Variants in GPALPP1 observed in about 807,000 individuals in gnomAD.
The protein encoded by GPALPP1 is GPALPP motifs containing 1, also known as GPALPP motifs-containing protein 1.
In GPALPP1, 30 loss-of-function variants were observed where a neutral mutation model predicts 38.9. The observed-to-expected ratio is 0.77, with a 90% CI of 0.58 to 1.05. GPALPP1 has a LOEUF of 1.05. Ranked by LOEUF, GPALPP1 falls within the 50% of genes least tolerant of loss-of-function variation. The probability of loss-of-function intolerance (pLI) is 0.00; values close to 1 mark genes in which losing one functional copy is unlikely to be tolerated. For missense variants in GPALPP1, 384 were observed against 408.8 expected (o/e 0.94, Z 0.52); for synonymous variants, 120 against 139.2 (o/e 0.86, Z 0.97).
intron 6 of GPALPP1, 102 bp from the exon 7 acceptor site, chr13:45,020,228 A>C: frequency 1.8e-6 from 1 of 557,616 alleles, no homozygotes. Flanking sequence ...AACCTGGCTT[A>C]GTTGTGTCTC....
At chr13:44,999,466 AT>A (rs1168227250) in intron 1 of GPALPP1, among the ~76,000 whole-genome samples, 36 of 152,334 alleles carry the variant, frequency 2.4e-4, no homozygotes, top group Non-Finnish European at 4.6e-4. Context: ...TCCCAAAATA[AT>A]TTTTTGAGAT....
rs374000368 is a variant in GPALPP1, at chr13:45,020,344, A to G, written c.720A>G (p.Ala240=). The change falls in exon 7 of 8, where the codon GCA becomes GCG. Residue 240 remains alanine, a synonymous_variant. Coordinates refer to ENST00000379151, the MANE Select transcript of GPALPP1 (RefSeq NM_018559.5). ...TCATTCCTCAGGAAACACAAGAAGC[A>G]AGGAAGTCATCCAGTAAGAAAGATG... is the stretch of plus-strand genomic sequence containing the variant. ...RERKAKETQE[A]RKSSSKKDEE... 2.5e-4 allele frequency: 360 copies of G among 1,460,722 alleles called. 5 individuals carry two copies. In the South Asian group the frequency reaches 4.0e-3, roughly 16 times the overall value. The allele number at this position is 1,460,722 out of a possible 1,614,324, so 90.5% of individuals were successfully genotyped here.
chr13:45,016,149 A>C (rs74411887), intron 6 of GPALPP1, among the ~76,000 whole-genome samples: 1 of 152,174 alleles, frequency 6.6e-6, no homozygotes, highest in Non-Finnish European at 1.5e-5. Context: ...TCATTAATAC[A>C]GTAAGTTATC....
intron 2 of GPALPP1, chr13:45,005,080 G>A (rs1033149876): frequency 1.1e-4 from 13 of 117,454 alleles, no homozygotes; most frequent in African/African-American, 3.3e-4. Flanking sequence ...ATAAACTAAT[G>A]GTTTTCTTTT....
At chr13:45,033,747 A>C (rs1593414345), downstream of GPALPP1, 2 of 152,234 alleles carry the variant, frequency 1.3e-5, no homozygotes, top group South Asian at 4.1e-4. Context: ...CAACAACTTT[A>C]ACTCCAACTC....
Position 44,989,610 on chromosome 13 carries a change from G to A in GPALPP1, c.-45G>A. 2 of 1,543,516 alleles carry A rather than the reference G, an allele frequency of 1.3e-6. No homozygotes were observed. The highest frequency in any genetic ancestry group is 2.3e-5 in the East Asian group (1 of 44,412). On this transcript the variant is annotated 5_prime_UTR_variant, in exon 1 of 8. Transcript: ENST00000379151. ...GGGATTCTTTTTGGATAGGGTTGAC[G>A]TTCGTGGATAGACTCATATCTGTGA...
At chr13:44,999,791 G>C (rs916374380) in intron 1 of GPALPP1, among the ~76,000 whole-genome samples, 3 of 152,130 alleles carry the variant, frequency 2.0e-5, no homozygotes, top group Admixed American at 2.0e-4. Context: ...TGTTGGCCAG[G>C]ATGGTCTTGA....
intron 1 of GPALPP1, among the ~76,000 whole-genome samples, chr13:45,000,634 AAGC>A (rs1361174297): frequency 1.3e-5 from 2 of 152,214 alleles, no homozygotes; most frequent in Non-Finnish European, 2.9e-5. Flanking sequence ...GAAGAGAAAG[AAGC>A]AGAAGAGGAA....
chr13:45,001,081 A>G (rs891938198), intron 1 of GPALPP1, among the ~76,000 whole-genome samples: 2 of 152,084 alleles, frequency 1.3e-5, no homozygotes, highest in Admixed American at 6.5e-5. Flanking sequence ...CATAATCCCT[A>G]CATGTTGTGG....
chr13:44,992,565 G>T (rs1335476824), intron 1 of GPALPP1, among the ~76,000 whole-genome samples: 1 of 152,002 alleles, frequency 6.6e-6, no homozygotes, highest in Non-Finnish European at 1.5e-5. Flanking sequence ...AAGCTCTTCT[G>T]TGTTTTCTTC....
chr13:44,989,802 T>G, intron 1 of GPALPP1, 60 bp downstream of exon 1: 3 of 1,338,834 alleles, frequency 2.2e-6, no homozygotes, highest in Non-Finnish European at 3.2e-6. Flanking sequence ...GGCCGGGCCC[T>G]GCTCGCTGAA....
At position 45,015,396 on chromosome 13, in the gene GPALPP1, G is replaced by A. The variant is rs1371033287; in HGVS notation, c.541-36G>A. The stretch of plus-strand genomic sequence containing the variant: ...TATGTACTCATCTTATACACGATAT[G>A]TACTTTCTATGCTGTGTTTTTTTTT... On this transcript the variant is annotated intron_variant, in intron 5 of 7. Transcript: ENST00000379151. 1.4e-5 allele frequency: 19 copies of A among 1,375,622 alleles called. No individual in the cohort carries two copies. In the Middle Eastern group the frequency reaches 7.4e-4, roughly 54 times the overall value. 85.2% of individuals were successfully genotyped at this position (1,375,622 alleles called of 1,614,324 possible). A position where few individuals can be genotyped will look rare whatever the true frequency, so the allele number is the denominator to read the frequency against.
intron 7 of GPALPP1, among the ~76,000 whole-genome samples, chr13:45,024,638 T>C (rs1566084822): frequency 1.3e-5 from 2 of 151,332 alleles, no homozygotes; most frequent in Admixed American, 6.6e-5. Flanking sequence ...CTAAAATTTT[T>C]ATCATAAGGG....
rs1875307409 is a variant in GPALPP1 at position 45,020,194 on chromosome 13, T to C, written c.706-136T>C. On this transcript the variant is annotated intron_variant, in intron 6 of 7. Transcript: ENST00000379151. Reference sequence around the variant, plus strand: ...CTATGCCCGGCAAAGTATGTTAATATTTCTGATCAGAAGGGATTTCACAAA... The same window carrying C: ...CTATGCCCGGCAAAGTATGTTAATACTTCTGATCAGAAGGGATTTCACAAA... The C allele has an allele frequency of 1.2e-5, 6 of 506,616 alleles. No individual in the cohort carries two copies. In the South Asian group the frequency reaches 1.5e-4, roughly 13 times the overall value. 31.4% of individuals were successfully genotyped at this position (506,616 alleles called of 1,614,324 possible). A position where few individuals can be genotyped will look rare whatever the true frequency, so the allele number is the denominator to read the frequency against.
chr13:45,029,079 G>C lies in GPALPP1; in HGVS notation c.*1076G>C, dbSNP rs1876050319. The C allele has an allele frequency of 6.6e-6, 1 of 152,074 alleles. No homozygotes were observed. The highest frequency in any genetic ancestry group is 6.6e-5 in the Admixed American group (1 of 15,258). The allele number at this position is 152,074 out of a possible 1,614,324, so 9.4% of individuals were successfully genotyped here. A position where few individuals can be genotyped will look rare whatever the true frequency, so the allele number is the denominator to read the frequency against. On this transcript the variant is annotated 3_prime_UTR_variant, in exon 8 of 8. Coordinates refer to ENST00000379151, the MANE Select transcript of GPALPP1 (RefSeq NM_018559.5). ...CTGTCTCAAAAAAGAAAGAAAAAGA[G>C]AAGAAAAGAAATTACATAAAAGCTG...
chr13:45,015,209 G>A, intron 5 of GPALPP1, 126 bp downstream of exon 5: 2 of 650,118 alleles, frequency 3.1e-6, no homozygotes, highest in Non-Finnish European at 4.8e-6. Flanking sequence ...TTTAAATTTA[G>A]GAGTTAGAAC....
At chr13:45,011,555 C>T (rs1874479522) in intron 4 of GPALPP1, among the ~76,000 whole-genome samples, 1 of 152,090 alleles carries the variant, frequency 6.6e-6, no homozygotes, top group African/African-American at 2.4e-5. Context: ...GGGGAAGCCC[C>T]TGATGAAACC....
intron 2 of GPALPP1, among the ~76,000 whole-genome samples, chr13:45,005,576 T>G (rs534151370): frequency 6.6e-6 from 1 of 152,336 alleles, no homozygotes; most frequent in Admixed American, 6.5e-5. Context: ...ATAAACTTTT[T>G]ACTGAGAAAC....
At chr13:45,002,733 A>G (rs779332851) in intron 1 of GPALPP1, among the ~76,000 whole-genome samples, 10 of 152,180 alleles carry the variant, frequency 6.6e-5, no homozygotes, top group Non-Finnish European at 1.3e-4. Context: ...CCAAAGCAAG[A>G]GTCTGGCCCC....
Sources: gnomAD v4.1 joint callset for allele counts (sites outside exome capture counted in the v4.1 genomes callset) on GRCh38, gnomAD v4.1.1 for gene constraint, MANE v1.5 for transcripts, NCBI Gene and HGNC (gene_info 2026-07-23, HGNC 2026-07-21) for gene names.